The following ZNF84 variants were observed in gnomAD, a reference collection of about 807,000 sequenced individuals.
ZNF84 encodes the protein zinc finger protein HPF2.
In ZNF84, 12 loss-of-function variants were observed where a neutral mutation model predicts 14.8. That is an observed-to-expected ratio of 0.81 (90% CI 0.52 to 1.31). The LOEUF is 1.31. ZNF84 is among the 50% of genes most tolerant of loss of function. The probability of loss-of-function intolerance (pLI) is 0.00; values close to 1 mark genes in which losing one functional copy is unlikely to be tolerated. For missense variants in ZNF84, 859 were observed against 878.6 expected (o/e 0.98, Z 0.28); for synonymous variants, 347 against 291.1 (o/e 1.19, Z -1.96).
intron 2 of ZNF84, among the ~76,000 whole-genome samples, chr12:133,041,798 G>A (rs1214191755): frequency 2.0e-5 from 3 of 152,196 alleles, no homozygotes; most frequent in Non-Finnish European, 4.4e-5. Context: ...ATCGTTTAAA[G>A]GTAAAAGCAA....
At chr12:133,053,347 C>T (rs1260317850) in intron 4 of ZNF84, among the ~76,000 whole-genome samples, 1 of 152,152 alleles carries the variant, frequency 6.6e-6, no homozygotes, top group East Asian at 1.9e-4. Flanking sequence ...TTTAAAATAA[C>T]ATGAATGTAA....
rs1284308711 is a variant in ZNF84, at chr12:133,058,064, A to G, written c.1349A>G (p.Gln450Arg). 7 of 1,613,754 alleles carry G rather than the reference A, an allele frequency of 4.3e-6. No individual in the cohort carries two copies. The Admixed American group carries it at 1.2e-4, about 27-fold the overall frequency. The stretch of plus-strand genomic sequence containing the variant: ...CAGAAGTCACATCTCATATCACATC[A>G]GATGACACACACAGGAGAAAAACCC... ...FSQKSHLISH[Q>R]MTHTGEKPFI... The change falls in exon 5 of 5, where the codon CAG (glutamine) becomes CGG (arginine). Residue 450 changes from glutamine to arginine, a missense_variant. By Grantham distance (43) the Gln-to-Arg change is conservative (BLOSUM62 1). Transcript: ENST00000539354.
Position 133,063,143 on chromosome 12 carries a change from G to C in ZNF84, c.*4211G>C. On this transcript the variant is annotated 3_prime_UTR_variant, in exon 5 of 5. Transcript: ENST00000539354. The stretch of plus-strand genomic sequence containing the variant: ...CAGTGAGAGAGAAGAATGAAGCCAT[G>C]ATGAAAGCAAAATCAAGAAAGAGTC... 2.8e-6 allele frequency: 2 copies of C among 702,372 alleles called. No individual in the cohort carries two copies. Among genetic ancestry groups the C allele is most frequent in the Non-Finnish European group, 5.2e-6 (2 of 384,836 alleles). 43.5% of individuals were successfully genotyped at this position (702,372 alleles called of 1,614,324 possible).
At position 133,062,107 on chromosome 12, in the gene ZNF84, T is replaced by G. The variant is rs959774724; in HGVS notation, c.*3175T>G. 6.6e-6 allele frequency: 1 copy of G among 152,232 alleles called. No homozygotes were observed. The highest frequency in any genetic ancestry group is 2.1e-4 in the South Asian group (1 of 4,836). The allele number at this position is 152,232 out of a possible 1,614,324, so 9.4% of individuals were successfully genotyped here. On this transcript the variant is annotated 3_prime_UTR_variant, in exon 5 of 5. Transcript: ENST00000539354. ...GGCCAAATACAGGAAGCATCATCTTTTCTTATTCTCTTACTGCCTGGATTT... is the reference window on the plus strand; with the variant it reads ...GGCCAAATACAGGAAGCATCATCTTGTCTTATTCTCTTACTGCCTGGATTT...
At chr12:133,046,871 T>C (rs1953987662) in intron 2 of ZNF84, among the ~76,000 whole-genome samples, 1 of 114,922 alleles carries the variant, frequency 8.7e-6, no homozygotes, top group Non-Finnish European at 1.8e-5. Flanking sequence ...ATATTTATAT[T>C]ATATATATTT....
At position 133,046,929 on chromosome 12, in the gene ZNF84, T is replaced by A. The variant is rs886432480; in HGVS notation, c.16-1026T>A. 1.0e-4 allele frequency among the ~76,000 whole-genome samples: 15 copies of A among 143,874 alleles called. No homozygotes were observed. In the East Asian group the frequency reaches 1.4e-3, roughly 13 times the overall value. The allele number at this position is 143,874 out of a possible 152,430, so 94.4% of individuals were successfully genotyped here. On this transcript the variant is annotated intron_variant, in intron 2 of 4. Coordinates refer to ENST00000539354, the MANE Select transcript of ZNF84 (RefSeq NM_001289971.2). ...TTTATATTATATATTATATTATTTTTAATATAATATTTATATTATATATTA... is the reference window on the plus strand; with the variant it reads ...TTTATATTATATATTATATTATTTTAAATATAATATTTATATTATATATTA...
chr12:133,048,938 C>G, intron 4 of ZNF84, 90 bp downstream of exon 4: 2 of 1,073,294 alleles, frequency 1.9e-6, no homozygotes. Flanking sequence ...GATGGGTGGG[C>G]TGGTCAGTGA....
Position 133,048,855 on chromosome 12 carries a change from G to C in ZNF84, c.238+7G>C. The C allele has an allele frequency of 2.5e-6, 4 of 1,609,834 alleles. No individual in the cohort carries two copies. Among genetic ancestry groups the C allele is most frequent in the Non-Finnish European group, 3.4e-6 (4 of 1,176,824 alleles). ...CCAAGTTCAGATTCTCCAGGTGAGT[G>C]TATGAGAACCAGGCAGATGGGAGAG... On this transcript the variant is annotated splice_region_variant and intron_variant, in intron 4 of 4. Transcript: ENST00000539354.
intron 3 of ZNF84, 33 bp from the exon 4 acceptor site, chr12:133,048,720 G>C: frequency 6.3e-7 from 1 of 1,582,964 alleles, no homozygotes; most frequent in Non-Finnish European, 8.7e-7. Flanking sequence ...CAAGCAGTTG[G>C]GCCCAAGGCC....
chr12:133,059,013 G>A lies in ZNF84; in HGVS notation c.*81G>A, dbSNP rs1483665212. On this transcript the variant is annotated 3_prime_UTR_variant, in exon 5 of 5. Transcript: ENST00000539354. ...TATGATAACGTTTGTAGACAGTCAC[G>A]TCATGTTAGGTGTTTGTACTCCATG... 8 of 1,336,550 alleles carry A rather than the reference G, an allele frequency of 6.0e-6. No homozygotes were observed. The highest frequency in any genetic ancestry group is 4.6e-5 in the East Asian group (2 of 43,410). The allele number at this position is 1,336,550 out of a possible 1,614,324, so 82.8% of individuals were successfully genotyped here. A position where few individuals can be genotyped will look rare whatever the true frequency, so the allele number is the denominator to read the frequency against.
intron 2 of ZNF84, 69 bp downstream of exon 2, chr12:133,041,551 A>G: frequency 6.6e-7 from 1 of 1,521,130 alleles, no homozygotes; most frequent in South Asian, 1.1e-5. Flanking sequence ...TTCCGGTGAA[A>G]AAGAAAAGTT....
rs1954193054 is a variant in ZNF84, at chr12:133,058,039, C to T, written c.1324C>T (p.Gln442Ter). 6.2e-7 allele frequency: 1 copy of T among 1,613,340 alleles called. No individual in the cohort carries two copies. Among genetic ancestry groups the T allele is most frequent in the African/African-American group, 1.3e-5 (1 of 74,680 alleles). Reference sequence around the variant, plus strand: ...CATTCAGTGTGGGAAGGCCTTCTCCCAGAAGTCACATCTCATATCACATCA... The same window carrying T: ...CATTCAGTGTGGGAAGGCCTTCTCCTAGAAGTCACATCTCATATCACATCA... ...GCIQCGKAFS[Q>*]KSHLISHQMT... The change falls in exon 5 of 5, where the codon CAG becomes TAG. Residue 442 changes from glutamine to a stop codon, truncating the protein, a stop_gained. Transcript: ENST00000539354. LOFTEE classifies it low-confidence loss of function (END_TRUNC).
Position 133,058,917 on chromosome 12 carries a change from AG to A in ZNF84, c.2203del (p.Val735Ter). ...QLINHQRTHT[V>X]KKS Reference sequence around the variant, plus strand: ...TCATCAATCATCAGAGAACTCATACAGTAAAAAAATCCTAGGAATACAGTTA... The same window carrying A: ...TCATCAATCATCAGAGAACTCATACATAAAAAAATCCTAGGAATACAGTTA... On this transcript the variant is annotated frameshift_variant, in exon 5 of 5. Transcript: ENST00000539354. LOFTEE classifies it high-confidence loss of function. 1.2e-6 allele frequency: 2 copies of A among 1,601,144 alleles called. No homozygotes were observed. Among genetic ancestry groups the A allele is most frequent in the Non-Finnish European group, 1.7e-6 (2 of 1,174,670 alleles).
At chr12:133,054,686 T>A (rs1248249872) in intron 4 of ZNF84, among the ~76,000 whole-genome samples, 2 of 151,848 alleles carry the variant, frequency 1.3e-5, no homozygotes, top group East Asian at 3.9e-4. Flanking sequence ...TAAACATATA[T>A]CAAAATATTA....
chr12:133,058,221 CACTA>C lies in ZNF84; in HGVS notation c.1508_1511del (p.Thr503IlefsTer83). ...AAGCTTTCAGTGAAAAATTAAGTCT[CACTA>C]ATCATCAAAGAATTCATACAGGAGA... On this transcript the variant is annotated frameshift_variant, in exon 5 of 5. Transcript: ENST00000539354. LOFTEE classifies it low-confidence loss of function (END_TRUNC). 1 of 1,612,960 alleles carries C rather than the reference CACTA, an allele frequency of 6.2e-7. No individual in the cohort carries two copies. The highest frequency in any genetic ancestry group is 8.5e-7 in the Non-Finnish European group (1 of 1,179,726).
chr12:133,058,941 TTAA>T lies in ZNF84; in HGVS notation c.*12_*14del, dbSNP rs1343513633. ...CAGTAAAAAAATCCTAGGAATACAG[TTAA>T]TAGTAGTCTTTGACAGATCATCTTG... is the stretch of plus-strand genomic sequence containing the variant. On this transcript the variant is annotated 3_prime_UTR_variant, in exon 5 of 5. Transcript: ENST00000539354. The T allele has an allele frequency of 6.3e-7, 1 of 1,577,754 alleles. No individual in the cohort carries two copies. The highest frequency in any genetic ancestry group is 8.6e-7 in the Non-Finnish European group (1 of 1,166,072).
At chr12:133,049,156 A>C (rs1250686202) in intron 4 of ZNF84, among the ~76,000 whole-genome samples, 1 of 152,204 alleles carries the variant, frequency 6.6e-6, no homozygotes, top group Non-Finnish European at 1.5e-5. Context: ...TGTCCTGCTT[A>C]TCTTGGCCAT....
chr12:133,054,863 G>A (rs1237872521), intron 4 of ZNF84, among the ~76,000 whole-genome samples: 2 of 151,882 alleles, frequency 1.3e-5, no homozygotes, highest in East Asian at 3.9e-4. Flanking sequence ...CATTATATGA[G>A]CCAAATACTA....
At chr12:133,052,306 G>GGAGA (rs150103675) in intron 4 of ZNF84, among the ~76,000 whole-genome samples, 2 of 151,434 alleles carry the variant, frequency 1.3e-5, no homozygotes, top group Non-Finnish European at 1.5e-5. Context: ...GTGTGTACAT[G>GGAGA]GAGAGAGAGA....
Sources: gnomAD v4.1 joint callset for allele counts (sites outside exome capture counted in the v4.1 genomes callset) on GRCh38, gnomAD v4.1.1 for gene constraint, MANE v1.5 for transcripts, NCBI Gene and HGNC (gene_info 2026-07-23, HGNC 2026-07-21) for gene names.